The following NDUFAF5 variants were observed in gnomAD, a reference collection of about 807,000 sequenced individuals.
NDUFAF5 encodes NADH:ubiquinone oxidoreductase complex assembly factor 5.
NDUFAF5 carries 34 observed loss-of-function variants against 48.9 expected under a neutral mutation model. The ratio of observed to expected loss-of-function variants is 0.70; its 90% CI spans 0.53 to 0.93. The LOEUF is 0.93. Among genes scored for constraint, NDUFAF5 ranks in the 40% least tolerant of loss-of-function variants. The pLI is 0.00. For missense variants in NDUFAF5, 428 were observed against 427.5 expected (o/e 1.00, Z -0.01); for synonymous variants, 153 against 150.6 (o/e 1.02, Z -0.12).
chr20:13,787,775 A>C (rs1158590078), intron 2 of NDUFAF5, among the ~76,000 whole-genome samples: 1 of 152,210 alleles, frequency 6.6e-6, no homozygotes, highest in Non-Finnish European at 1.5e-5. Context: ...TTCTCCAGCT[A>C]TGTACTATAA....
At position 13,818,491 on chromosome 20, in the gene NDUFAF5, A is replaced by C; in HGVS notation, c.*1281A>C. The C allele has an allele frequency of 2.9e-6, 1 of 341,412 alleles. No homozygotes were observed. The highest frequency in any genetic ancestry group is 5.6e-6 in the Non-Finnish European group (1 of 177,104). 21.1% of individuals were successfully genotyped at this position (341,412 alleles called of 1,614,324 possible). On this transcript the variant is annotated 3_prime_UTR_variant, in exon 11 of 11. Coordinates refer to ENST00000378106, the MANE Select transcript of NDUFAF5 (RefSeq NM_024120.5). ...TTTCAGAACTTGAAGAGAGAGAACA[A>C]CAACAAAAAACAAACTGCGCTAGCC...
At position 13,785,196 on chromosome 20, in the gene NDUFAF5, C is replaced by A. The variant is rs748737437; in HGVS notation, c.128C>A (p.Thr43Asn). ...CCCCGCGGTAGCACCTCGCCCAGAACCCTGAATATTTTCGACCGGGATTTG... is the reference window on the plus strand; with the variant it reads ...CCCCGCGGTAGCACCTCGCCCAGAAACCTGAATATTTTCGACCGGGATTTG... ...VSPRGSTSPR[T>N]LNIFDRDLKR... Residue 43 changes from threonine to asparagine, a missense_variant, in exon 1 of 11, where the codon ACC becomes AAC. Coordinates refer to ENST00000378106, the MANE Select transcript of NDUFAF5 (RefSeq NM_024120.5). The A allele has an allele frequency of 3.1e-6, 5 of 1,613,870 alleles. No homozygotes were observed. Among genetic ancestry groups the A allele is most frequent in the Non-Finnish European group, 2.5e-6 (3 of 1,179,900 alleles).
chr20:13,818,529 G>T lies in NDUFAF5; in HGVS notation c.*1319G>T, dbSNP rs555424697. On this transcript the variant is annotated 3_prime_UTR_variant, in exon 11 of 11. Coordinates refer to ENST00000378106, the MANE Select transcript of NDUFAF5 (RefSeq NM_024120.5). ...AACTGCGCTAGCCAGGTGCAATGGCGCATGCCTGTAGTCCCAGCTACTTGG... is the reference window on the plus strand; with the variant it reads ...AACTGCGCTAGCCAGGTGCAATGGCTCATGCCTGTAGTCCCAGCTACTTGG... The T allele has an allele frequency of 1.7e-4, 54 of 315,520 alleles. No homozygotes were observed. Among genetic ancestry groups the T allele is most frequent in the South Asian group, 1.0e-3 (37 of 36,476 alleles). 19.5% of individuals were successfully genotyped at this position (315,520 alleles called of 1,614,324 possible). A position where few individuals can be genotyped will look rare whatever the true frequency, so the allele number is the denominator to read the frequency against.
At chr20:13,798,668 C>T (rs1983642207) in intron 6 of NDUFAF5, among the ~76,000 whole-genome samples, 168 bp downstream of exon 6, 2 of 152,198 alleles carry the variant, frequency 1.3e-5, no homozygotes, top group Non-Finnish European at 2.9e-5. Context: ...CATTGGGCAA[C>T]TCTCCTTTCC....
At chr20:13,790,869 G>A (rs1052280145) in intron 3 of NDUFAF5, among the ~76,000 whole-genome samples, 7 of 152,084 alleles carry the variant, frequency 4.6e-5, no homozygotes, top group East Asian at 1.9e-4. Context: ...GATTCCTCCC[G>A]TGACTGCTTT....
chr20:13,794,966 C>T lies in NDUFAF5; in HGVS notation c.479+25C>T, dbSNP rs1568755331. The T allele has an allele frequency of 2.1e-6, 3 of 1,461,412 alleles. No individual in the cohort carries two copies. The African/African-American group carries it at 4.2e-5, about 20-fold the overall frequency. The allele number at this position is 1,461,412 out of a possible 1,614,324, so 90.5% of individuals were successfully genotyped here. ...GGTTGGTAATCCACTTTTTAAAAAC[C>T]ATATGTTATAAACAGATCATTCTTG... On this transcript the variant is annotated intron_variant, in intron 5 of 10. Coordinates refer to ENST00000378106, the MANE Select transcript of NDUFAF5 (RefSeq NM_024120.5).
rs1159782866 is a variant in NDUFAF5, at chr20:13,821,367, A to G, written c.*4157A>G. On this transcript the variant is annotated 3_prime_UTR_variant, in exon 11 of 11. Coordinates refer to ENST00000378106, the MANE Select transcript of NDUFAF5 (RefSeq NM_024120.5). ...GTAAGGCCACTCAACTCCATGGAGA[A>G]GACCTAGAAGTGAGGAGCAGAGGCC... 1.3e-5 allele frequency: 2 copies of G among 152,240 alleles called. No individual in the cohort carries two copies. Among genetic ancestry groups the G allele is most frequent in the Non-Finnish European group, 2.9e-5 (2 of 68,044 alleles). 9.4% of individuals were successfully genotyped at this position (152,240 alleles called of 1,614,324 possible).
intron 4 of NDUFAF5, 115 bp from the exon 5 acceptor site, chr20:13,794,723 G>A (rs1457514622): frequency 2.7e-6 from 2 of 745,762 alleles, no homozygotes; most frequent in South Asian, 1.5e-5. Flanking sequence ...TTGGGAAGGG[G>A]GGTAGAAACT....
Position 13,818,230 on chromosome 20 carries a change from T to C in NDUFAF5, c.*1020T>C, listed in dbSNP as rs1986720491. ...CACATGGGACTTTCCACATAGTAGA[T>C]ATTCAGTTACATTTTGAACTAATTA... is the stretch of plus-strand genomic sequence containing the variant. On this transcript the variant is annotated 3_prime_UTR_variant, in exon 11 of 11. Transcript: ENST00000378106. The C allele has an allele frequency of 2.2e-6, 1 of 453,992 alleles. No homozygotes were observed. 28.1% of individuals were successfully genotyped at this position (453,992 alleles called of 1,614,324 possible). A position where few individuals can be genotyped will look rare whatever the true frequency, so the allele number is the denominator to read the frequency against.
intron 8 of NDUFAF5, among the ~76,000 whole-genome samples, chr20:13,814,760 C>T (rs2076477319): frequency 6.6e-6 from 1 of 152,132 alleles, no homozygotes; most frequent in East Asian, 1.9e-4. Context: ...GGAGGTGTTA[C>T]TCTTTTGTAG....
chr20:13,815,847 C>G (rs6110052), intron 8 of NDUFAF5, among the ~76,000 whole-genome samples: 2 of 152,094 alleles, frequency 1.3e-5, no homozygotes, highest in East Asian at 3.9e-4. Flanking sequence ...AATGCTTAAC[C>G]TAGCTTTTCA....
At chr20:13,806,825 T>C (rs1555836315) in intron 7 of NDUFAF5, among the ~76,000 whole-genome samples, 1 of 152,196 alleles carries the variant, frequency 6.6e-6, no homozygotes, top group Non-Finnish European at 1.5e-5. Context: ...TACACGTATA[T>C]GTTTTTTTAA....
At chr20:13,803,752 G>T (rs1352529664) in intron 7 of NDUFAF5, among the ~76,000 whole-genome samples, 2 of 151,920 alleles carry the variant, frequency 1.3e-5, no homozygotes, top group African/African-American at 4.8e-5. Context: ...TAACATAAAT[G>T]ACCCTTTTTA....
In NDUFAF5 at chr20:13,820,808, G is replaced by A. The variant is rs2147646404; in HGVS notation, c.*3598G>A. 1 of 152,276 alleles carries A rather than the reference G, an allele frequency of 6.6e-6. No individual in the cohort carries two copies. The highest frequency in any genetic ancestry group is 2.1e-4 in the South Asian group (1 of 4,828). 9.4% of individuals were successfully genotyped at this position (152,276 alleles called of 1,614,324 possible). ...TGAAGGAAAGAAGTGAATATTAGTA[G>A]ATATTTGGAAAAAAGAAAGATAGTT... On this transcript the variant is annotated 3_prime_UTR_variant, in exon 11 of 11. Coordinates refer to ENST00000378106, the MANE Select transcript of NDUFAF5 (RefSeq NM_024120.5).
intron 4 of NDUFAF5, among the ~76,000 whole-genome samples, chr20:13,794,580 A>G (rs554047157): frequency 1.3e-5 from 2 of 152,238 alleles, no homozygotes; most frequent in African/African-American, 4.8e-5. Context: ...CGCCCAGCCA[A>G]ACTAGCTTTC....
chr20:13,809,124 T>C, intron 8 of NDUFAF5: 1 of 564,364 alleles, frequency 1.8e-6, no homozygotes, highest in Non-Finnish European at 3.2e-6. Context: ...CAGAGATAAG[T>C]GTTAAATTAG....
Position 13,816,930 on chromosome 20 carries a change from G to T in NDUFAF5, c.918G>T (p.Met306Ile). Residue 306 changes from methionine to isoleucine, a missense_variant, in exon 10 of 11, where the codon ATG (methionine) becomes ATT (isoleucine). Coordinates refer to ENST00000378106, the MANE Select transcript of NDUFAF5 (RefSeq NM_024120.5). Reference sequence around the variant, plus strand: ...CTGCTACATACCAGATCTATTACATGATAGGATGGAAATATCATGAGTCAC... The same window carrying T: ...CTGCTACATACCAGATCTATTACATTATAGGATGGAAATATCATGAGTCAC... ...SVPATYQIYY[M>I]IGWKYHESQA... is the part of the protein sequence containing the mutation. 1 of 1,609,562 alleles carries T rather than the reference G, an allele frequency of 6.2e-7. No homozygotes were observed. The highest frequency in any genetic ancestry group is 1.1e-5 in the South Asian group (1 of 90,960).
intron 7 of NDUFAF5, among the ~76,000 whole-genome samples, chr20:13,805,354 T>G (rs1292408774): frequency 1.3e-5 from 2 of 152,206 alleles, no homozygotes; most frequent in African/African-American, 4.8e-5. Flanking sequence ...TTATAAAGAA[T>G]GAGTTTTAGA....
At chr20:13,810,338 G>A (rs181495365) in intron 8 of NDUFAF5, among the ~76,000 whole-genome samples, 3 of 152,314 alleles carry the variant, frequency 2.0e-5, no homozygotes, top group East Asian at 1.9e-4. Context: ...CAAAACAAAG[G>A]GAGCACTTAG....
Sources: allele counts gnomAD v4.1 joint callset (sites outside exome capture counted in the v4.1 genomes callset), GRCh38; gene constraint gnomAD v4.1.1; transcripts MANE v1.5; gene names NCBI Gene and HGNC (gene_info 2026-07-23, HGNC 2026-07-21).